Variants in ZPBP observed in about 807,000 individuals in gnomAD.
ZPBP encodes the protein zona pellucida-binding protein 1.
Under a neutral mutation model 44.8 loss-of-function variants are expected in ZPBP, and 26 were observed. The observed-to-expected ratio is 0.58, with a 90% CI of 0.43 to 0.81. ZPBP has a LOEUF of 0.81. Among genes scored for constraint, ZPBP ranks in the 30% least tolerant of loss-of-function variants. The pLI, the probability that ZPBP is intolerant of heterozygous loss-of-function variation, is 0.00. For synonymous variants in ZPBP, 174 were observed against 153.2 expected (o/e 1.14, Z -1.00); for missense variants, 409 against 434.0 (o/e 0.94, Z 0.51).
chr7:49,849,531 C>T (rs1325378135), downstream of ZPBP, among the ~76,000 whole-genome samples: 1 of 152,182 alleles, frequency 6.6e-6, no homozygotes, highest in African/African-American at 2.4e-5. Flanking sequence ...CATATGCACC[C>T]CTACTCCATG....
intron 5 of ZPBP, among the ~76,000 whole-genome samples, chr7:50,030,006 C>A (rs1323564065): frequency 6.6e-6 from 1 of 152,106 alleles, no homozygotes; most frequent in East Asian, 1.9e-4. Flanking sequence ...TAGGCCCATG[C>A]CACCAGGCCC....
intron 2 of ZPBP, among the ~76,000 whole-genome samples, chr7:49,863,152 G>A (rs1790728016): frequency 6.6e-6 from 1 of 152,140 alleles, no homozygotes; most frequent in Admixed American, 6.5e-5. Context: ...ACTTGTTATA[G>A]GTGTTTTGTT....
intron 4 of ZPBP, among the ~76,000 whole-genome samples, chr7:50,044,575 G>T (rs1255218371): frequency 6.6e-6 from 1 of 152,064 alleles, no homozygotes; most frequent in Non-Finnish European, 1.5e-5. Flanking sequence ...TAGAAGAAAT[G>T]GATAAATTCC....
At chr7:49,963,517 T>C (rs1795940524) in intron 7 of ZPBP, among the ~76,000 whole-genome samples, 1 of 151,784 alleles carries the variant, frequency 6.6e-6, no homozygotes, top group African/African-American at 2.4e-5. Flanking sequence ...TAAATAGTGG[T>C]ATATTTAATA....
intron 6 of ZPBP, among the ~76,000 whole-genome samples, chr7:49,984,734 C>T (rs1007599678): frequency 3.3e-5 from 5 of 152,026 alleles, no homozygotes; most frequent in South Asian, 4.2e-4. Context: ...GGTACTGGTC[C>T]GAGGCCTGGG....
chr7:49,885,139 A>G (rs1008207014), intron 2 of ZPBP, among the ~76,000 whole-genome samples: 5 of 152,080 alleles, frequency 3.3e-5, no homozygotes, highest in African/African-American at 1.2e-4. Context: ...CTAAAGGAGA[A>G]ACAGAAAAAT....
At chr7:49,966,362 G>C (rs1352171733) in intron 7 of ZPBP, among the ~76,000 whole-genome samples, 1 of 151,952 alleles carries the variant, frequency 6.6e-6, no homozygotes, top group East Asian at 1.9e-4. Context: ...TCCATATATA[G>C]ACATGACATA....
intron 7 of ZPBP, among the ~76,000 whole-genome samples, chr7:49,967,012 TA>T (rs915708827): frequency 1.3e-5 from 2 of 151,996 alleles, no homozygotes; most frequent in African/African-American, 4.8e-5. Context: ...GAAAATGGAC[TA>T]AAAGAGCTAC....
intron 6 of ZPBP, among the ~76,000 whole-genome samples, chr7:49,992,641 C>G (rs1030514348): frequency 1.3e-5 from 2 of 152,056 alleles, no homozygotes; most frequent in Admixed American, 6.6e-5. Context: ...ATAGAAATTT[C>G]ATTATTTTAG....
chr7:50,033,097 A>G (rs1052520552), intron 4 of ZPBP, among the ~76,000 whole-genome samples: 5 of 152,132 alleles, frequency 3.3e-5, no homozygotes, highest in Admixed American at 3.3e-4. Flanking sequence ...CAGAGTCAAG[A>G]AAGCTTTTTT....
intron 3 of ZPBP, among the ~76,000 whole-genome samples, chr7:50,069,766 A>T (rs184552682): frequency 2.2e-3 from 340 of 152,060 alleles, no homozygotes; most frequent in Non-Finnish European, 2.4e-3. Flanking sequence ...GATCCACCAG[A>T]CGGGGTCCTA....
intron 3 of ZPBP, 96 bp from the exon 4 acceptor site, chr7:50,058,237 C>T (rs1801068970): frequency 7.5e-7 from 1 of 1,329,446 alleles, no homozygotes; most frequent in Non-Finnish European, 1.1e-6. Flanking sequence ...AATTTACCAA[C>T]ACAGTCAATG....
At chr7:50,022,994 A>T (rs898288282) in intron 5 of ZPBP, among the ~76,000 whole-genome samples, 1 of 152,078 alleles carries the variant, frequency 6.6e-6, no homozygotes. Flanking sequence ...TTAAGACTGG[A>T]GGAAAATCTT....
At chr7:50,024,564 A>G (rs1179048720) in intron 5 of ZPBP, among the ~76,000 whole-genome samples, 2 of 152,010 alleles carry the variant, frequency 1.3e-5, no homozygotes, top group South Asian at 4.1e-4. Context: ...TAAGTGAAAT[A>G]CTATAGGCTC....
chr7:49,857,118 G>T (rs996635853), intron 2 of ZPBP, among the ~76,000 whole-genome samples: 2 of 147,456 alleles, frequency 1.4e-5, no homozygotes, highest in Non-Finnish European at 3.0e-5. Context: ...GCATGATATC[G>T]TGCAGCAGAT....
At chr7:50,090,552 TATATATGC>T (rs1802919677) in intron 1 of ZPBP, among the ~76,000 whole-genome samples, 1 of 151,720 alleles carries the variant, frequency 6.6e-6, no homozygotes, top group Non-Finnish European at 1.5e-5. Context: ...TATGTGTGCA[TATATATGC>T]ATATATATGT....
intron 1 of ZPBP, chr7:49,912,263 ATCAG>A: frequency 4.8e-6 from 7 of 1,457,934 alleles, no homozygotes; most frequent in Non-Finnish European, 6.5e-6. Context: ...TCTGGGAACT[ATCAG>A]TCAAAGAAGA....
At chr7:49,976,117 TA>T (rs1796503615) in intron 7 of ZPBP, among the ~76,000 whole-genome samples, 1 of 152,224 alleles carries the variant, frequency 6.6e-6, no homozygotes, top group Admixed American at 6.5e-5. Context: ...ACATTTTATT[TA>T]CTCCCTCTTG....
chr7:50,032,650 G>C (rs1249121473), intron 4 of ZPBP, among the ~76,000 whole-genome samples: 1 of 152,168 alleles, frequency 6.6e-6, no homozygotes, highest in East Asian at 1.9e-4. Flanking sequence ...ACACAGTCAG[G>C]AATCTTTTTC....
Sources: gnomAD v4.1 joint callset for allele counts (sites outside exome capture counted in the v4.1 genomes callset) on GRCh38, gnomAD v4.1.1 for gene constraint, MANE v1.5 for transcripts, NCBI Gene and HGNC (gene_info 2026-07-23, HGNC 2026-07-21) for gene names.